The following FSIP1 variants were observed in gnomAD, a reference collection of about 807,000 sequenced individuals.
The protein encoded by FSIP1 is fibrous sheath interacting protein 1.
FSIP1 carries 65 observed loss-of-function variants against 60.9 expected under a neutral mutation model. That is an observed-to-expected ratio of 1.07 (90% CI 0.87 to 1.31). FSIP1 has a LOEUF of 1.31. Among genes scored for constraint, FSIP1 ranks in the 40% most tolerant of loss-of-function variants. The pLI is 0.00. For missense variants in FSIP1, 675 were observed against 665.5 expected (o/e 1.01, Z -0.16); for synonymous variants, 209 against 221.2 (o/e 0.94, Z 0.49).
At chr15:39,653,336 G>A (rs1595576712) in intron 10 of FSIP1, among the ~76,000 whole-genome samples, 2 of 151,940 alleles carry the variant, frequency 1.3e-5, no homozygotes, top group East Asian at 1.9e-4. Context: ...TGTACACTTA[G>A]GCCACACTAA....
intron 10 of FSIP1, among the ~76,000 whole-genome samples, chr15:39,712,204 G>A (rs1328606605): frequency 7.2e-6 from 1 of 138,168 alleles, no homozygotes; most frequent in East Asian, 2.1e-4. Context: ...TGTCAGTGCT[G>A]CTGCAGTGGG....
At chr15:39,604,850 A>G (rs1439992502) in intron 11 of FSIP1, among the ~76,000 whole-genome samples, 1 of 152,186 alleles carries the variant, frequency 6.6e-6, no homozygotes, top group East Asian at 1.9e-4. Flanking sequence ...AATATTTTTA[A>G]TGGAAAAGAT....
intron 10 of FSIP1, among the ~76,000 whole-genome samples, chr15:39,633,798 T>C (rs934662591): frequency 4.6e-5 from 7 of 152,252 alleles, no homozygotes; most frequent in African/African-American, 1.7e-4. Flanking sequence ...TAATAGACGC[T>C]GATTATATCA....
chr15:39,715,240 C>T (rs1026264664), intron 9 of FSIP1, among the ~76,000 whole-genome samples: 1 of 152,062 alleles, frequency 6.6e-6, no homozygotes, highest in Non-Finnish European at 1.5e-5. Context: ...CTACCAGTTC[C>T]CCCAATTCCA....
Position 39,774,381 on chromosome 15 carries a change from G to A in FSIP1, c.126+2018C>T, listed in dbSNP as rs565122449. On this transcript the variant is annotated intron_variant, in intron 2 of 11. Transcript: ENST00000350221. Reference sequence around the variant, plus strand: ...GCCTGTAGCCCCGGCTATTCGGGAGGCTGACAGGAGAATCACTTGAACCCA... The same window carrying A: ...GCCTGTAGCCCCGGCTATTCGGGAGACTGACAGGAGAATCACTTGAACCCA... Among the ~76,000 whole-genome samples the A allele has an allele frequency of 6.3e-4, 96 of 152,092 alleles. 1 individual carries two copies. The South Asian group carries it at 0.019, about 30-fold the overall frequency.
intron 6 of FSIP1, among the ~76,000 whole-genome samples, chr15:39,740,708 G>C (rs1423799013): frequency 6.6e-6 from 1 of 152,168 alleles, no homozygotes; most frequent in African/African-American, 2.4e-5. Context: ...AAAGGAGCTA[G>C]TCAACTGGTG....
At position 39,747,797 on chromosome 15, in the gene FSIP1, A is replaced by G. The variant is rs145188993; in HGVS notation, c.560-5897T>C. On this transcript the variant is annotated intron_variant, in intron 5 of 11. Coordinates refer to ENST00000350221, the MANE Select transcript of FSIP1 (RefSeq NM_152597.5). Reference sequence around the variant, plus strand: ...CCATGGTTCAGAATCTTACCTGTGTATATATGGGTATTGGCCTTTTATCAT... The same window carrying G: ...CCATGGTTCAGAATCTTACCTGTGTGTATATGGGTATTGGCCTTTTATCAT... Among the ~76,000 whole-genome samples, 893 of 152,294 alleles carry G rather than the reference A, an allele frequency of 5.9e-3. 11 individuals are homozygous for G. The highest frequency in any genetic ancestry group is 0.021 in the African/African-American group (853 of 41,558).
intron 11 of FSIP1, among the ~76,000 whole-genome samples, chr15:39,606,974 A>C (rs1040495724): frequency 1.3e-5 from 2 of 152,210 alleles, no homozygotes; most frequent in African/African-American, 4.8e-5. Context: ...GTGCCAGTAC[A>C]TTCAGGATTG....
intron 2 of FSIP1, among the ~76,000 whole-genome samples, chr15:39,775,030 A>AG (rs1334211215): frequency 6.6e-6 from 1 of 152,100 alleles, no homozygotes; most frequent in Admixed American, 6.5e-5. Context: ...GGGGAGGTGG[A>AG]GGGGGAACAC....
intron 10 of FSIP1, among the ~76,000 whole-genome samples, chr15:39,645,167 A>G (rs1352359112): frequency 2.0e-5 from 3 of 152,228 alleles, no homozygotes; most frequent in Non-Finnish European, 4.4e-5. Context: ...GAAAAGAGAA[A>G]CTTTCTACAT....
At chr15:39,652,738 C>T (rs1892923060) in intron 10 of FSIP1, among the ~76,000 whole-genome samples, 1 of 152,088 alleles carries the variant, frequency 6.6e-6, no homozygotes, top group South Asian at 2.1e-4. Flanking sequence ...CTACTATACA[C>T]CTAGGCTATA....
intron 6 of FSIP1, 40 bp downstream of exon 6, chr15:39,741,765 C>T (rs1426879848): frequency 1.0e-6 from 1 of 978,418 alleles, no homozygotes; most frequent in Non-Finnish European, 1.6e-6. Flanking sequence ...GCCAGTATTC[C>T]CTTGTGAAAA....
intron 10 of FSIP1, among the ~76,000 whole-genome samples, chr15:39,674,117 C>G (rs1024838512): frequency 1.3e-5 from 2 of 151,164 alleles, no homozygotes; most frequent in South Asian, 2.1e-4. Flanking sequence ...TGCAGTGGCG[C>G]GATCTCGGCT....
intron 5 of FSIP1, among the ~76,000 whole-genome samples, chr15:39,761,227 A>C (rs937619738): frequency 2.0e-5 from 3 of 152,206 alleles, no homozygotes; most frequent in Admixed American, 6.5e-5. Flanking sequence ...CTGGGCATTT[A>C]CCCAAAAGCT....
chr15:39,651,027 G>T (rs1016213240), intron 10 of FSIP1, among the ~76,000 whole-genome samples: 1 of 152,178 alleles, frequency 6.6e-6, no homozygotes, highest in Admixed American at 6.5e-5. Context: ...GCCAGTAACT[G>T]GTCAGATGGA....
chr15:39,768,661 C>T (rs1312034817), intron 3 of FSIP1, among the ~76,000 whole-genome samples: 1 of 152,142 alleles, frequency 6.6e-6, no homozygotes, highest in African/African-American at 2.4e-5. Context: ...GAAAATTTGG[C>T]CTCACACAGA....
intron 10 of FSIP1, among the ~76,000 whole-genome samples, chr15:39,712,172 G>GC (rs145948756): frequency 6.6e-6 from 1 of 151,924 alleles, no homozygotes; most frequent in African/African-American, 2.4e-5. Flanking sequence ...TCATTAGGGG[G>GC]CCTGAGCTCC....
At chr15:39,656,967 C>G (rs77125528) in intron 10 of FSIP1, among the ~76,000 whole-genome samples, 2 of 152,162 alleles carry the variant, frequency 1.3e-5, no homozygotes, top group Admixed American at 6.5e-5. Flanking sequence ...GGCCTTGTGG[C>G]TCCCAGATCT....
chr15:39,690,524 C>T (rs1894554544), intron 10 of FSIP1, among the ~76,000 whole-genome samples: 1 of 152,136 alleles, frequency 6.6e-6, no homozygotes, highest in South Asian at 2.1e-4. Flanking sequence ...TCCAGTATCT[C>T]CCTCCTGAAG....
Sources: allele counts gnomAD v4.1 joint callset (sites outside exome capture counted in the v4.1 genomes callset), GRCh38; gene constraint gnomAD v4.1.1; transcripts MANE v1.5; gene names NCBI Gene and HGNC (gene_info 2026-07-23, HGNC 2026-07-21).